The following TMPRSS11D variants were observed in gnomAD, a reference collection of about 807,000 sequenced individuals.
TMPRSS11D encodes the protein transmembrane protease serine 11D.
In TMPRSS11D, 32 loss-of-function variants were observed where a neutral mutation model predicts 44.4. The observed-to-expected ratio is 0.72, with a 90% CI of 0.54 to 0.97. The LOEUF (loss-of-function observed/expected upper bound fraction) is 0.97. TMPRSS11D is among the 50% of genes least tolerant of loss of function. TMPRSS11D has a pLI of 0.00. For synonymous variants in TMPRSS11D, 179 were observed against 177.9 expected (o/e 1.01, Z -0.05); for missense variants, 446 against 502.6 (o/e 0.89, Z 1.08).
At chr4:67,882,282 AG>A (rs1427709422) in intron 1 of TMPRSS11D, among the ~76,000 whole-genome samples, 2 of 152,220 alleles carry the variant, frequency 1.3e-5, no homozygotes, top group African/African-American at 4.8e-5. Context: ...ACCTAAAAAA[AG>A]TATATTGTAC....
intron 1 of TMPRSS11D, among the ~76,000 whole-genome samples, chr4:67,877,452 G>T (rs935968887): frequency 2.0e-4 from 30 of 152,146 alleles, no homozygotes; most frequent in African/African-American, 7.2e-4. Context: ...GATTCAGAGA[G>T]AGATAAACCA....
At chr4:67,837,957 C>G in intron 5 of TMPRSS11D, 1 of 385,908 alleles carries the variant, frequency 2.6e-6, no homozygotes, top group East Asian at 4.3e-5. Flanking sequence ...GAATTTTTAG[C>G]AAATAAAATT....
chr4:67,883,343 A>G (rs1014012980), intron 1 of TMPRSS11D, among the ~76,000 whole-genome samples: 2 of 152,058 alleles, frequency 1.3e-5, no homozygotes, highest in African/African-American at 4.8e-5. Flanking sequence ...TCTTTATGTG[A>G]AAGTATAGGA....
chr4:67,855,199 G>C (rs1256594128), intron 2 of TMPRSS11D, among the ~76,000 whole-genome samples: 1 of 147,762 alleles, frequency 6.8e-6, no homozygotes, highest in African/African-American at 2.5e-5. Context: ...AGGTTAAAGT[G>C]AGCCAAGATC....
intron 8 of TMPRSS11D, among the ~76,000 whole-genome samples, chr4:67,826,763 A>G (rs924183619): frequency 6.6e-6 from 1 of 151,258 alleles, no homozygotes; most frequent in Non-Finnish European, 1.5e-5. Flanking sequence ...GTCTGTAGAA[A>G]AAAAAAAAAA....
chr4:67,833,251 G>A lies in TMPRSS11D; in HGVS notation c.645C>T (p.Ser215=). 1 of 1,576,662 alleles carries A rather than the reference G, an allele frequency of 6.3e-7. No individual in the cohort carries two copies. The highest frequency in any genetic ancestry group is 8.6e-7 in the Non-Finnish European group (1 of 1,162,798). ...RLNNAHHCGG[S]LINNMWILTA... is the part of the protein sequence containing the mutation. Reference sequence around the variant, plus strand: ...TCAGGATCCACATGTTATTGATCAGGCTGCCTCCACAGTGGTGGGCATTAT... The same window carrying A: ...TCAGGATCCACATGTTATTGATCAGACTGCCTCCACAGTGGTGGGCATTAT... The change falls in exon 7 of 10, where the codon AGC becomes AGT. Residue 215 remains serine, a synonymous_variant. Transcript: ENST00000283916.
intron 1 of TMPRSS11D, among the ~76,000 whole-genome samples, chr4:67,877,450 G>A (rs1719218793): frequency 6.6e-6 from 1 of 152,148 alleles, no homozygotes. Context: ...GGGATTCAGA[G>A]AGAGATAAAC....
chr4:67,841,907 A>G (rs1194670368), intron 4 of TMPRSS11D, among the ~76,000 whole-genome samples: 2 of 152,220 alleles, frequency 1.3e-5, no homozygotes, highest in Non-Finnish European at 1.5e-5. Context: ...TCTACCAAAG[A>G]ACTATTGCAT....
chr4:67,834,531 T>TA (rs397769327), intron 6 of TMPRSS11D, among the ~76,000 whole-genome samples: 1 of 100,544 alleles, frequency 9.9e-6, no homozygotes, highest in African/African-American at 4.6e-5. Flanking sequence ...GTCAGAGAAG[T>TA]AAGTTGCTGT....
intron 1 of TMPRSS11D, among the ~76,000 whole-genome samples, chr4:67,864,079 A>C (rs1332440612): frequency 1.3e-5 from 2 of 151,470 alleles, no homozygotes; most frequent in East Asian, 3.8e-4. Context: ...AGAAAAATAA[A>C]TTTTTAATTA....
intron 1 of TMPRSS11D, among the ~76,000 whole-genome samples, chr4:67,868,443 T>G (rs1412136369): frequency 6.6e-6 from 1 of 152,104 alleles, no homozygotes; most frequent in African/African-American, 2.4e-5. Context: ...AAAACTATTA[T>G]AAAAATTCCT....
At chr4:67,848,048 G>A (rs1039643953) in intron 3 of TMPRSS11D, among the ~76,000 whole-genome samples, 7 of 152,192 alleles carry the variant, frequency 4.6e-5, no homozygotes, top group Admixed American at 1.3e-4. Context: ...AATTTTACCC[G>A]AAATCCCTGA....
intron 4 of TMPRSS11D, among the ~76,000 whole-genome samples, chr4:67,839,539 T>C (rs1002567556): frequency 6.6e-6 from 1 of 152,012 alleles, no homozygotes; most frequent in Non-Finnish European, 1.5e-5. Context: ...AGCATTTACA[T>C]AGAGACTGGA....
intron 1 of TMPRSS11D, among the ~76,000 whole-genome samples, chr4:67,872,565 T>A (rs1719084171): frequency 6.6e-6 from 1 of 152,344 alleles, no homozygotes; most frequent in African/African-American, 2.4e-5. Context: ...TAGCGATCAT[T>A]GAATTGTGCA....
At chr4:67,827,036 C>T (rs1315619780) in intron 8 of TMPRSS11D, among the ~76,000 whole-genome samples, 1 of 152,068 alleles carries the variant, frequency 6.6e-6, no homozygotes, top group Admixed American at 6.6e-5. Context: ...CTTTCTTTTA[C>T]ATTTTCCTAT....
chr4:67,864,481 A>C (rs1245817999), intron 1 of TMPRSS11D, among the ~76,000 whole-genome samples: 1 of 152,040 alleles, frequency 6.6e-6, no homozygotes, highest in Non-Finnish European at 1.5e-5. Context: ...CTTATAAAAC[A>C]AAGAAATGAG....
At chr4:67,872,215 A>G (rs1046235439) in intron 1 of TMPRSS11D, among the ~76,000 whole-genome samples, 2 of 152,152 alleles carry the variant, frequency 1.3e-5, no homozygotes, top group African/African-American at 2.4e-5. Flanking sequence ...TTTCCCCCCA[A>G]AATGGCCAAA....
chr4:67,841,940 G>A (rs1232200771), intron 4 of TMPRSS11D, among the ~76,000 whole-genome samples: 1 of 152,176 alleles, frequency 6.6e-6, no homozygotes, highest in Non-Finnish European at 1.5e-5. Flanking sequence ...CTAGAGCAAT[G>A]TGGTCATTTG....
intron 5 of TMPRSS11D, among the ~76,000 whole-genome samples, chr4:67,837,201 G>A (rs913109547): frequency 3.3e-5 from 5 of 152,222 alleles, no homozygotes; most frequent in African/African-American, 7.2e-5. Context: ...AAGTGCGTTC[G>A]GGAGCATTCC....
Sources: gnomAD v4.1 joint callset for allele counts (sites outside exome capture counted in the v4.1 genomes callset) on GRCh38, gnomAD v4.1.1 for gene constraint, MANE v1.5 for transcripts, NCBI Gene and HGNC (gene_info 2026-07-23, HGNC 2026-07-21) for gene names.